The following KCNIP4 variants were observed in gnomAD, a reference collection of about 807,000 sequenced individuals.
KCNIP4 encodes the protein potassium voltage-gated channel interacting protein 4.
Under a neutral mutation model 34.0 loss-of-function variants are expected in KCNIP4, and 12 were observed. That is an observed-to-expected ratio of 0.35 (90% confidence interval 0.23 to 0.57). The LOEUF (loss-of-function observed/expected upper bound fraction) is 0.57, where lower values mean the gene tolerates loss of function less well. Ranked by LOEUF, KCNIP4 falls within the 20% of genes least tolerant of loss-of-function variation. The pLI is 0.83. For missense variants in KCNIP4, 238 were observed against 311.7 expected (o/e 0.76, Z 1.78); for synonymous variants, 124 against 102.2 (o/e 1.21, Z -1.29).
chr4:21,776,629 C>A (rs1719199132), intron 1 of KCNIP4, among the ~76,000 whole-genome samples: 1 of 151,950 alleles, frequency 6.6e-6, no homozygotes, highest in Non-Finnish European at 1.5e-5. Context: ...GCTTTGTGTC[C>A]CCACCCAAAT....
At chr4:21,665,407 GT>G (rs1748772725) in intron 1 of KCNIP4, among the ~76,000 whole-genome samples, 2 of 151,956 alleles carry the variant, frequency 1.3e-5, no homozygotes, top group South Asian at 4.2e-4. Flanking sequence ...ATTGTAGTAG[GT>G]GATATATTGC....
At chr4:21,138,772 G>A (rs544931173) in intron 1 of KCNIP4, among the ~76,000 whole-genome samples, 94 of 152,232 alleles carry the variant, frequency 6.2e-4, no homozygotes, top group Middle Eastern at 3.4e-3. Flanking sequence ...GGGAGGCTGA[G>A]TGTCAGGGCA....
intron 1 of KCNIP4, among the ~76,000 whole-genome samples, chr4:21,333,102 C>CT (rs1431090749): frequency 6.6e-6 from 1 of 152,022 alleles, no homozygotes; most frequent in Non-Finnish European, 1.5e-5. Flanking sequence ...TGGTCATGCT[C>CT]TTGAAATAGA....
intron 1 of KCNIP4, among the ~76,000 whole-genome samples, chr4:21,351,979 C>A (rs573879819): frequency 6.6e-6 from 1 of 152,130 alleles, no homozygotes; most frequent in Non-Finnish European, 1.5e-5. Flanking sequence ...CTAATCACAT[C>A]ATAAGTTGAG....
intron 1 of KCNIP4, among the ~76,000 whole-genome samples, chr4:21,438,343 G>A (rs1474042833): frequency 1.3e-5 from 2 of 152,184 alleles, no homozygotes; most frequent in Non-Finnish European, 2.9e-5. Context: ...ACTGAGCTAT[G>A]CAATATGTTG....
intron 1 of KCNIP4, among the ~76,000 whole-genome samples, chr4:21,228,104 A>C (rs2109015103): frequency 6.6e-6 from 1 of 152,288 alleles, no homozygotes; most frequent in South Asian, 2.1e-4. Flanking sequence ...GACAATTTGC[A>C]AAACAGCCTG....
At chr4:21,109,604 C>T (rs986245201) in intron 1 of KCNIP4, among the ~76,000 whole-genome samples, 3 of 152,204 alleles carry the variant, frequency 2.0e-5, no homozygotes, top group Admixed American at 1.3e-4. Context: ...GTGCGCTGCA[C>T]CCACTGTCCT....
intron 1 of KCNIP4, among the ~76,000 whole-genome samples, chr4:21,498,201 C>G (rs1479490350): frequency 1.3e-5 from 2 of 152,116 alleles, no homozygotes; most frequent in East Asian, 3.8e-4. Context: ...ATATAGAAAA[C>G]TAATACGAAA....
intron 2 of KCNIP4, among the ~76,000 whole-genome samples, chr4:20,861,149 C>G (rs1390656165): frequency 2.0e-5 from 3 of 152,140 alleles, no homozygotes; most frequent in African/African-American, 7.2e-5. Flanking sequence ...AGGACCTGCC[C>G]CAAACCTGTC....
At chr4:21,385,262 T>A (rs573620382) in intron 1 of KCNIP4, among the ~76,000 whole-genome samples, 1 of 152,260 alleles carries the variant, frequency 6.6e-6, no homozygotes, top group East Asian at 1.9e-4. Flanking sequence ...TTTACCAGAC[T>A]ATGAGAGCAA....
chr4:21,272,096 G>T (rs1485083192), intron 1 of KCNIP4, among the ~76,000 whole-genome samples: 1 of 152,146 alleles, frequency 6.6e-6, no homozygotes, highest in African/African-American at 2.4e-5. Flanking sequence ...GTTTTATAGT[G>T]GTCAGGCACA....
intron 1 of KCNIP4, among the ~76,000 whole-genome samples, chr4:21,685,371 G>C (rs1461448735): frequency 6.6e-6 from 1 of 152,096 alleles, no homozygotes; most frequent in African/African-American, 2.4e-5. Flanking sequence ...TTTCCAATGA[G>C]GAAACTGATA....
chr4:21,359,936 G>T (rs1719042451), intron 1 of KCNIP4, among the ~76,000 whole-genome samples: 2 of 152,090 alleles, frequency 1.3e-5, no homozygotes, highest in African/African-American at 4.8e-5. Context: ...CACTAACATG[G>T]TATTATAAAG....
intron 1 of KCNIP4, among the ~76,000 whole-genome samples, chr4:21,016,693 A>G (rs999000487): frequency 4.6e-5 from 7 of 151,874 alleles, no homozygotes; most frequent in African/African-American, 1.2e-4. Context: ...GCTCACTGCA[A>G]CCTCCGCCTT....
chr4:20,878,044 A>G (rs370420879), intron 2 of KCNIP4, among the ~76,000 whole-genome samples: 3 of 152,020 alleles, frequency 2.0e-5, no homozygotes, highest in African/African-American at 4.8e-5. Context: ...AGCTCCCTCA[A>G]TCAATATCAG....
intron 1 of KCNIP4, among the ~76,000 whole-genome samples, chr4:21,794,677 G>C (rs1720511956): frequency 6.6e-6 from 1 of 152,076 alleles, no homozygotes; most frequent in Non-Finnish European, 1.5e-5. Context: ...GTTGCCTGAG[G>C]TCAGCAGTTT....
At chr4:21,618,177 G>T (rs747037614) in intron 1 of KCNIP4, among the ~76,000 whole-genome samples, 1 of 152,056 alleles carries the variant, frequency 6.6e-6, no homozygotes. Context: ...AATACTCAGA[G>T]GTAATTTTTG....
intron 1 of KCNIP4, among the ~76,000 whole-genome samples, chr4:21,874,404 T>C (rs528658668): frequency 5.9e-5 from 9 of 152,328 alleles, no homozygotes; most frequent in Admixed American, 5.2e-4. Context: ...TTTACCTGGG[T>C]TCCTGAGCTC....
chr4:20,826,900 A>AG (rs1717833959), intron 3 of KCNIP4, among the ~76,000 whole-genome samples: 1 of 152,188 alleles, frequency 6.6e-6, no homozygotes, highest in African/African-American at 2.4e-5. Flanking sequence ...GGGGCTAAAG[A>AG]GAAGCCCCTT....
Sources: gnomAD v4.1 joint callset for allele counts (sites outside exome capture counted in the v4.1 genomes callset) on GRCh38, gnomAD v4.1.1 for gene constraint, MANE v1.5 for transcripts, NCBI Gene and HGNC (gene_info 2026-07-23, HGNC 2026-07-21) for gene names.